The following MYRIP variants were observed in gnomAD, a reference collection of about 807,000 sequenced individuals.
MYRIP encodes the protein myosin VIIA and Rab interacting protein.
In MYRIP, 49 loss-of-function variants were observed where a neutral mutation model predicts 98.0. The ratio of observed to expected loss-of-function variants is 0.50; its 90% CI spans 0.40 to 0.63. MYRIP has a LOEUF of 0.63. Among genes scored for constraint, MYRIP ranks in the 30% least tolerant of loss-of-function variants. The pLI is 0.00. For missense variants in MYRIP, 1,004 were observed against 1,058.2 expected, an observed-to-expected ratio of 0.95 and a Z score of 0.71; for synonymous variants, 404 against 409.5, an observed-to-expected ratio of 0.99 and a Z score of 0.16.
intron 2 of MYRIP, among the ~76,000 whole-genome samples, chr3:39,945,546 A>G (rs1210252385): frequency 6.6e-6 from 1 of 151,788 alleles, no homozygotes; most frequent in Admixed American, 6.6e-5. Flanking sequence ...AATTGAATTT[A>G]ACTTCACCCC....
At chr3:39,969,643 G>C (rs1945528481) in intron 2 of MYRIP, among the ~76,000 whole-genome samples, 1 of 152,102 alleles carries the variant, frequency 6.6e-6, no homozygotes, top group Non-Finnish European at 1.5e-5. Context: ...TGCATATGTT[G>C]AATCAACCTT....
chr3:39,906,312 T>C (rs1034136887), intron 2 of MYRIP, among the ~76,000 whole-genome samples: 1 of 152,168 alleles, frequency 6.6e-6, no homozygotes, highest in African/African-American at 2.4e-5. Flanking sequence ...GGCTGTGTTC[T>C]TTCTGTAACA....
At chr3:40,255,709 A>G (rs1953565484) in intron 16 of MYRIP, among the ~76,000 whole-genome samples, 1 of 152,202 alleles carries the variant, frequency 6.6e-6, no homozygotes, top group African/African-American at 2.4e-5. Flanking sequence ...GAGCAACACA[A>G]TTTATGGTGC....
intron 1 of MYRIP, among the ~76,000 whole-genome samples, chr3:39,814,132 A>C (rs369656911): frequency 1.4e-4 from 22 of 152,306 alleles, no homozygotes; most frequent in African/African-American, 4.6e-4. Flanking sequence ...TATCCTCAGA[A>C]GGGGAACAAC....
chr3:39,916,066 A>T (rs558704607), intron 2 of MYRIP, among the ~76,000 whole-genome samples: 74 of 152,192 alleles, frequency 4.9e-4, no homozygotes, highest in African/African-American at 1.7e-3. Context: ...CTACCATGAT[A>T]GACATCTCCT....
At position 40,244,495 on chromosome 3, in the gene MYRIP, A is replaced by C. The variant is rs1575675443; in HGVS notation, c.2150A>C (p.Glu717Ala). Residue 717 changes from glutamate (E) to alanine (A), a missense_variant, in exon 13 of 17, where the codon GAG (glutamate) becomes GCG (alanine). Physicochemically the swap from Glu to Ala is moderately radical, Grantham distance 107 (BLOSUM62 -1). Transcript: ENST00000302541. ...TATGGACTGGAGACCCAGCTGACTGAGCTAGAAGATGCCGCCCGCTGCATC... is the reference window on the plus strand; with the variant it reads ...TATGGACTGGAGACCCAGCTGACTGCGCTAGAAGATGCCGCCCGCTGCATC... ...TVYGLETQLT[E>A]LEDAARCIHS... The C allele has an allele frequency of 6.2e-7, 1 of 1,613,970 alleles. No individual in the cohort carries two copies. The highest frequency in any genetic ancestry group is 1.7e-5 in the Admixed American group (1 of 60,010).
chr3:40,232,967 C>G (rs7644470), intron 11 of MYRIP: 20,489 of 152,186 alleles, frequency 0.13, 2,917 homozygotes, highest in African/African-American at 0.36. Flanking sequence ...CAATCCAGTA[C>G]TCTCTGAGTC....
intron 2 of MYRIP, among the ~76,000 whole-genome samples, chr3:40,008,230 A>G (rs1946677486): frequency 6.6e-6 from 1 of 152,304 alleles, no homozygotes; most frequent in East Asian, 1.9e-4. Context: ...ATTTCCATAT[A>G]TGTTTATTTA....
chr3:40,071,316 G>A (rs1164627018), intron 3 of MYRIP: 1 of 487,010 alleles, frequency 2.1e-6, no homozygotes, highest in African/African-American at 2.1e-5. Flanking sequence ...GGGGTGCACT[G>A]GTTGGTGGTT....
intron 1 of MYRIP, among the ~76,000 whole-genome samples, chr3:39,895,978 A>G (rs563758414): frequency 6.6e-6 from 1 of 152,234 alleles, no homozygotes; most frequent in South Asian, 2.1e-4. Context: ...TATCTCATCC[A>G]TGGATCATCC....
At position 40,002,920 on chromosome 3, in the gene MYRIP, A is replaced by G. The variant is rs150820065; in HGVS notation, c.111-41130A>G. On this transcript the variant is annotated intron_variant, in intron 2 of 16. Coordinates refer to ENST00000302541, the MANE Select transcript of MYRIP (RefSeq NM_015460.4). The stretch of plus-strand genomic sequence containing the variant: ...GATAGACACATACAAGTATGCATAT[A>G]TAGACATATATAGATATCTATAGCT... Among the ~76,000 whole-genome samples, 1,143 of 152,118 alleles carry G rather than the reference A, an allele frequency of 7.5e-3. 15 individuals are homozygous for G. The highest frequency in any genetic ancestry group is 0.026 in the African/African-American group (1,084 of 41,510).
At chr3:40,064,842 G>T (rs891797476) in intron 3 of MYRIP, among the ~76,000 whole-genome samples, 1 of 152,198 alleles carries the variant, frequency 6.6e-6, no homozygotes, top group African/African-American at 2.4e-5. Flanking sequence ...TGTTAAAAGC[G>T]ATGGGAAACC....
intron 8 of MYRIP, chr3:40,173,071 C>T (rs1950654873): frequency 6.6e-6 from 1 of 152,138 alleles, no homozygotes; most frequent in South Asian, 2.1e-4. Flanking sequence ...GGGGTCATCA[C>T]AAAAAGCTTA....
At chr3:39,992,795 C>G (rs1443453527) in intron 2 of MYRIP, among the ~76,000 whole-genome samples, 2 of 152,162 alleles carry the variant, frequency 1.3e-5, no homozygotes, top group East Asian at 1.9e-4. Context: ...CTTAATAATG[C>G]CCAGCCTCCA....
chr3:39,912,284 G>T (rs1944041073), intron 2 of MYRIP, among the ~76,000 whole-genome samples: 1 of 152,216 alleles, frequency 6.6e-6, no homozygotes, highest in South Asian at 2.1e-4. Context: ...ATATGGTGAT[G>T]TGCCCAGTAG....
intron 2 of MYRIP, among the ~76,000 whole-genome samples, chr3:39,930,733 T>G (rs962525503): frequency 6.6e-6 from 1 of 152,090 alleles, no homozygotes; most frequent in African/African-American, 2.4e-5. Context: ...AACTTCATTC[T>G]TTTGCATGTG....
At chr3:40,216,520 C>G (rs563197553) in intron 11 of MYRIP, among the ~76,000 whole-genome samples, 114 of 152,156 alleles carry the variant, frequency 7.5e-4, no homozygotes, top group Non-Finnish European at 1.4e-3. Flanking sequence ...AAAATACTAG[C>G]AAACTAAATT....
intron 2 of MYRIP, among the ~76,000 whole-genome samples, chr3:39,912,581 C>T (rs1218593635): frequency 1.3e-5 from 2 of 152,114 alleles, no homozygotes; most frequent in Admixed American, 6.5e-5. Flanking sequence ...ATAAAAGAGG[C>T]TTGATTATTC....
chr3:40,257,029 T>C (rs1953615744), intron 16 of MYRIP, among the ~76,000 whole-genome samples: 1 of 152,168 alleles, frequency 6.6e-6, no homozygotes, highest in Non-Finnish European at 1.5e-5. Flanking sequence ...GTGCATTCAG[T>C]AATAAATTAC....
Sources: allele counts gnomAD v4.1 joint callset (sites outside exome capture counted in the v4.1 genomes callset), GRCh38; gene constraint gnomAD v4.1.1; transcripts MANE v1.5; gene names NCBI Gene and HGNC (gene_info 2026-07-23, HGNC 2026-07-21).